FNDC7: variants seen among roughly 807,000 people sequenced by gnomAD.
The protein encoded by FNDC7 is fibronectin type III domain-containing protein 7.
A neutral mutation model predicts 74.2 loss-of-function variants in FNDC7; 66 were observed. That is an observed-to-expected ratio of 0.89 (90% CI 0.73 to 1.09). FNDC7 has a LOEUF of 1.09. FNDC7 is among the 50% of genes least tolerant of loss of function. FNDC7 has a pLI of 0.00. For synonymous variants in FNDC7, 307 were observed against 330.2 expected, an observed-to-expected ratio of 0.93 and a Z score of 0.76; for missense variants, 829 against 893.4, an observed-to-expected ratio of 0.93 and a Z score of 0.92.
chr1:108,714,921 G>A (rs1156769000), intron 2 of FNDC7, among the ~76,000 whole-genome samples: 1 of 152,044 alleles, frequency 6.6e-6, no homozygotes, highest in African/African-American at 2.4e-5. Context: ...ACTTTGGGTG[G>A]ACAGAATCTA....
intron 2 of FNDC7, among the ~76,000 whole-genome samples, chr1:108,716,159 A>G (rs1468428261): frequency 6.6e-6 from 1 of 152,114 alleles, no homozygotes; most frequent in Non-Finnish European, 1.5e-5. Context: ...TTTGGCTGTC[A>G]TTTTCCCAGG....
At chr1:108,714,583 G>T (rs1386453341) in intron 2 of FNDC7, among the ~76,000 whole-genome samples, 1 of 146,882 alleles carries the variant, frequency 6.8e-6, no homozygotes, top group African/African-American at 2.5e-5. Context: ...AGGAGGGTCT[G>T]CTTGGCCATA....
At position 108,727,870 on chromosome 1, in the gene FNDC7, TG is replaced by T; in HGVS notation, c.1176del (p.Trp392CysfsTer15). 1 of 1,614,206 alleles carries T rather than the reference TG, an allele frequency of 6.2e-7. No individual in the cohort carries two copies. The highest frequency in any genetic ancestry group is 8.5e-7 in the Non-Finnish European group (1 of 1,180,046). The stretch of plus-strand genomic sequence containing the variant: ...GTCCAGTGACAGAGTTGAGATTGTC[TG>T]GTCTCCTGTCCGTGGTGCCGAACTG... Reference protein sequence around the residue: ...LVSSDRVEIVWSPVRGAELYE... With the variant: ...LVSSDRVEIVXSPVRGAELYE... On this transcript the variant is annotated frameshift_variant, in exon 7 of 13. Coordinates refer to ENST00000370017, the MANE Select transcript of FNDC7 (RefSeq NM_001144937.3). LOFTEE classifies it high-confidence loss of function.
chr1:108,737,605 C>A, intron 11 of FNDC7, 81 bp downstream of exon 11: 1 of 1,122,890 alleles, frequency 8.9e-7, no homozygotes, highest in Non-Finnish European at 1.3e-6. Context: ...GCTGACTTTT[C>A]AATTAGAAAG....
intron 10 of FNDC7, among the ~76,000 whole-genome samples, chr1:108,736,668 T>A (rs1053194692): frequency 7.5e-4 from 114 of 152,340 alleles, no homozygotes; most frequent in African/African-American, 2.6e-3. Flanking sequence ...ACTCAAGTTC[T>A]TTGATGGGAT....
chr1:108,732,434 C>CAAATGTCATACTACTAAAGTGTCATATA (rs1661409197), intron 9 of FNDC7, among the ~76,000 whole-genome samples: 1 of 151,878 alleles, frequency 6.6e-6, no homozygotes, highest in Admixed American at 6.6e-5. Context: ...AATGGCTGCA[C>CAAATGTCATACTACTAAAGTGTCATATA]CTAAAGTGTC....
chr1:108,742,612 C>G lies in FNDC7; in HGVS notation c.*725C>G, dbSNP rs899290969. 6.7e-6 allele frequency: 1 copy of G among 150,034 alleles called. No individual in the cohort carries two copies. The highest frequency in any genetic ancestry group is 1.5e-5 in the Non-Finnish European group (1 of 68,030). The allele number at this position is 150,034 out of a possible 1,614,324, so 9.3% of individuals were successfully genotyped here. ...CAAATGGAGAGCCTCAAACTGTGGCCGACTGACATGCGTGCATCTTTTGGG... is the reference window on the plus strand; with the variant it reads ...CAAATGGAGAGCCTCAAACTGTGGCGGACTGACATGCGTGCATCTTTTGGG... On this transcript the variant is annotated 3_prime_UTR_variant, in exon 13 of 13. Coordinates refer to ENST00000370017, the MANE Select transcript of FNDC7 (RefSeq NM_001144937.3).
At chr1:108,713,958 A>G (rs1411965504) in intron 2 of FNDC7, among the ~76,000 whole-genome samples, 2 of 152,372 alleles carry the variant, frequency 1.3e-5, no homozygotes, top group East Asian at 3.9e-4. Flanking sequence ...AATATTCCCT[A>G]CTTTAAAAAG....
chr1:108,714,499 C>G (rs1186817193), intron 2 of FNDC7, among the ~76,000 whole-genome samples: 1 of 152,112 alleles, frequency 6.6e-6, no homozygotes, highest in Non-Finnish European at 1.5e-5. Context: ...AACATAGCAA[C>G]ACCCCACCTC....
At chr1:108,713,842 C>T (rs190092212) in intron 2 of FNDC7, among the ~76,000 whole-genome samples, 17 of 152,320 alleles carry the variant, frequency 1.1e-4, no homozygotes, top group African/African-American at 3.6e-4. Flanking sequence ...CAATGATCAT[C>T]ATTCCAGTTA....
At chr1:108,715,421 C>T (rs1660950814) in intron 2 of FNDC7, among the ~76,000 whole-genome samples, 3 of 152,196 alleles carry the variant, frequency 2.0e-5, no homozygotes, top group Non-Finnish European at 1.5e-5. Flanking sequence ...ACTCCAGCTT[C>T]TCATCTACTA....
chr1:108,717,510 A>G (rs974351509), intron 2 of FNDC7, among the ~76,000 whole-genome samples: 4 of 152,198 alleles, frequency 2.6e-5, no homozygotes, highest in Non-Finnish European at 4.4e-5. Flanking sequence ...TAGCTCTTTT[A>G]AAAGTACAAA....
chr1:108,733,246 T>C (rs949040017), intron 9 of FNDC7, 26 bp from the exon 10 acceptor site: 3 of 1,594,936 alleles, frequency 1.9e-6, no homozygotes, highest in Admixed American at 1.7e-5. Flanking sequence ...ACAAGTGATT[T>C]TGTGTTTGTT....
chr1:108,729,889 A>G (rs1300582847), intron 8 of FNDC7, among the ~76,000 whole-genome samples: 1 of 152,222 alleles, frequency 6.6e-6, no homozygotes, highest in African/African-American at 2.4e-5. Context: ...GATGTTAGGT[A>G]TCCTATATTC....
At chr1:108,733,649 C>CATTTTTTTTTTTTTTTT (rs1160919720) in intron 10 of FNDC7, 117 bp downstream of exon 10, 1 of 575,148 alleles carries the variant, frequency 1.7e-6, no homozygotes, top group Non-Finnish European at 2.6e-6. Context: ...AAATTTCTTT[C>CATTTTTTTTTTTTTTTT]TTTTTTTTTT....
In FNDC7 at chr1:108,733,484, G is replaced by A. The variant is rs139664209; in HGVS notation, c.2092G>A (p.Ala698Thr). ...ATACACTGTGATGGTCTCACCAGTT[G>A]CTAAAACAGGATTGAAGCTTACTTT... ...DVYTVMVSPV[A>T]KTGLKLTFCP... Residue 698 changes from alanine (A) to threonine (T), a missense_variant, in exon 10 of 13, where the codon GCT (alanine) becomes ACT (threonine). Ala to Thr is a moderately conservative substitution (Grantham distance 58). Transcript: ENST00000370017. 1.1e-3 allele frequency: 1,853 copies of A among 1,614,064 alleles called. 2 individuals are homozygous for A. The highest frequency in any genetic ancestry group is 1.5e-3 in the South Asian group (139 of 91,074).
In FNDC7 at chr1:108,720,673, A is replaced by G. The variant is rs945379943; in HGVS notation, c.598+1624A>G. Among the ~76,000 whole-genome samples, 3 of 152,308 alleles carry G rather than the reference A, an allele frequency of 2.0e-5. No homozygotes were observed. In the East Asian group the frequency reaches 5.8e-4, roughly 29 times the overall value. On this transcript the variant is annotated intron_variant, in intron 4 of 12. Transcript: ENST00000370017. ...TTCCTTCTGAGGGATGTGAGGAAGA[A>G]TCTGTTCCAGGCCTCTCTCCTTGGC...
intron 2 of FNDC7, among the ~76,000 whole-genome samples, chr1:108,714,707 C>G (rs1219491117): frequency 6.8e-6 from 1 of 146,766 alleles, no homozygotes; most frequent in African/African-American, 2.5e-5. Context: ...CAGGTTCAGG[C>G]CATTCTCCTG....
Position 108,716,352 on chromosome 1 carries a change from T to A in FNDC7, c.83-1425T>A, listed in dbSNP as rs1409396264. 2.0e-5 allele frequency among the ~76,000 whole-genome samples: 3 copies of A among 150,240 alleles called. No homozygotes were observed. In the East Asian group the frequency reaches 5.9e-4, roughly 30 times the overall value. ...GTGTGTGTGTGTGTGTGTGTGTGTG[T>A]GTGTGTGTGTGTGTGTGTGTGTGTT... is the stretch of plus-strand genomic sequence containing the variant. On this transcript the variant is annotated intron_variant, in intron 2 of 12. Coordinates refer to ENST00000370017, the MANE Select transcript of FNDC7 (RefSeq NM_001144937.3).
Sources: allele counts gnomAD v4.1 joint callset (sites outside exome capture counted in the v4.1 genomes callset), GRCh38; gene constraint gnomAD v4.1.1; transcripts MANE v1.5; gene names NCBI Gene and HGNC (gene_info 2026-07-23, HGNC 2026-07-21).